The following RFC1 variants were observed in gnomAD, a reference collection of about 807,000 sequenced individuals.
RFC1 encodes A1 140 kDa subunit.
RFC1 carries 37 observed loss-of-function variants against 137.4 expected under a neutral mutation model. The ratio of observed to expected loss-of-function variants is 0.27; its 90% CI spans 0.21 to 0.35. The LOEUF is 0.35. RFC1 is among the 10% of genes least tolerant of loss of function. The probability of loss-of-function intolerance (pLI) is 1.00; values close to 1 mark genes in which losing one functional copy is unlikely to be tolerated. For missense variants in RFC1, 1,205 were observed against 1,358.5 expected (o/e 0.89, Z 1.78); for synonymous variants, 429 against 455.7 (o/e 0.94, Z 0.75).
At chr4:39,304,597 T>A (rs933126538) in intron 15 of RFC1, among the ~76,000 whole-genome samples, 4 of 152,164 alleles carry the variant, frequency 2.6e-5, no homozygotes, top group Non-Finnish European at 1.5e-5. Context: ...TATGTGCATG[T>A]ACACATTTTT....
At chr4:39,362,201 CG>C (rs1741795695) in intron 1 of RFC1, among the ~76,000 whole-genome samples, 2 of 152,308 alleles carry the variant, frequency 1.3e-5, no homozygotes, top group Middle Eastern at 3.4e-3. Flanking sequence ...ATTCATGGAT[CG>C]GAAGATGTAA....
chr4:39,336,517 G>A (rs1740360908), intron 4 of RFC1, among the ~76,000 whole-genome samples: 2 of 152,234 alleles, frequency 1.3e-5, no homozygotes, highest in Non-Finnish European at 2.9e-5. Context: ...AATGATATCT[G>A]GACTTAAAGT....
At chr4:39,345,300 C>A in intron 3 of RFC1, 101 bp downstream of exon 3, 1 of 946,674 alleles carries the variant, frequency 1.1e-6, no homozygotes, top group Non-Finnish European at 1.6e-6. Context: ...CGATTACAGG[C>A]ATGAGCCACC....
Position 39,308,722 on chromosome 4 carries a change from C to T in RFC1, c.1799G>A (p.Gly600Glu). 1 of 1,614,166 alleles carries T rather than the reference C, an allele frequency of 6.2e-7. No homozygotes were observed. The highest frequency in any genetic ancestry group is 8.5e-7 in the Non-Finnish European group (1 of 1,180,020). The change falls in exon 13 of 25, where the codon GGA (glycine) becomes GAA (glutamate). Residue 600 changes from glycine (G) to glutamate (E), a missense_variant. By Grantham distance (98) the Gly-to-Glu change is moderately conservative. Around this residue, in one of 3 missense-constraint regions of RFC1, gnomAD observed 962 missense variants for 1,035.3 expected, o/e 0.93. Coordinates refer to ENST00000349703, the MANE Select transcript of RFC1 (RefSeq NM_002913.5). Reference sequence around the variant, plus strand: ...GGCACAGCTCTGGTCACCTTGCTGTCCAATTATGGTCTTGAGCGAGGTTGG... The same window carrying T: ...GGCACAGCTCTGGTCACCTTGCTGTTCAATTATGGTCTTGAGCGAGGTTGG... ...YKPTSLKTII[G>E]QQGDQSCANK...
At chr4:39,365,038 A>G (rs1051525829) in intron 1 of RFC1, among the ~76,000 whole-genome samples, 3 of 152,036 alleles carry the variant, frequency 2.0e-5, no homozygotes, top group African/African-American at 7.2e-5. Flanking sequence ...CATGGTGGTC[A>G]GAAACACCAA....
chr4:39,300,734 CTG>C (rs1245002365), intron 19 of RFC1, among the ~76,000 whole-genome samples: 1 of 152,092 alleles, frequency 6.6e-6, no homozygotes, highest in Non-Finnish European at 1.5e-5. Context: ...AACAATTTAA[CTG>C]TGGTACATTC....
At chr4:39,305,794 GATA>G (rs1738612336) in intron 14 of RFC1, among the ~76,000 whole-genome samples, 2 of 151,942 alleles carry the variant, frequency 1.3e-5, no homozygotes, top group Non-Finnish European at 2.9e-5. Flanking sequence ...AAAATATAAT[GATA>G]ATAATAAAGA....
intron 1 of RFC1, among the ~76,000 whole-genome samples, chr4:39,354,419 C>T (rs1235482220): frequency 6.6e-6 from 1 of 152,160 alleles, no homozygotes; most frequent in Admixed American, 6.5e-5. Context: ...ACAAGTCTAA[C>T]TCCCAAATAA....
Position 39,320,413 on chromosome 4 carries a change from C to T in RFC1, c.1065G>A (p.Lys355=). The T allele has an allele frequency of 8.0e-6, 12 of 1,496,940 alleles. No individual in the cohort carries two copies. Among genetic ancestry groups the T allele is most frequent in the Non-Finnish European group, 9.8e-6 (11 of 1,124,910 alleles). The allele number at this position is 1,496,940 out of a possible 1,614,324, so 92.7% of individuals were successfully genotyped here. The change falls in exon 9 of 25, where the codon AAG becomes AAA. Residue 355 remains lysine, a synonymous_variant. Coordinates refer to ENST00000349703, the MANE Select transcript of RFC1 (RefSeq NM_002913.5). ...IKLKGETKTP[K]KTKSSPAKKE... ...TTTTAGCTGGAGAACTTTTGGTTTT[C>T]TTAGGAGTTTTTGTCTCTCCTTTCA...
rs770083988 is a variant in RFC1 at position 39,308,656 on chromosome 4, G to A, written c.1865C>T (p.Ser622Phe). ...LRWLRNWQKS[S>F]SEDKKHAKFG... ...ATCACCGTGTTTTTTATCTTCGGAA[G>A]AACTCTTTTGCCAGTTTCGGAGCCA... Residue 622 changes from serine (S) to phenylalanine (F), a missense_variant, in exon 13 of 25, where the codon TCT becomes TTT. Coordinates refer to ENST00000349703, the MANE Select transcript of RFC1 (RefSeq NM_002913.5). 1 of 1,610,980 alleles carries A rather than the reference G, an allele frequency of 6.2e-7. No homozygotes were observed. Among genetic ancestry groups the A allele is most frequent in the South Asian group, 1.1e-5 (1 of 90,846 alleles).
chr4:39,335,982 G>C (rs2109713203), intron 4 of RFC1, among the ~76,000 whole-genome samples: 1 of 152,234 alleles, frequency 6.6e-6, no homozygotes, highest in Admixed American at 6.5e-5. Flanking sequence ...ACAAGTGCCT[G>C]ACAGTAAAGT....
rs28461680 is a variant in RFC1, at chr4:39,299,067, C to T, written c.2808+954G>A. 6.4e-3 allele frequency among the ~76,000 whole-genome samples: 973 copies of T among 152,274 alleles called. 17 individuals are homozygous for T. The highest frequency in any genetic ancestry group is 0.022 in the African/African-American group (917 of 41,550). On this transcript the variant is annotated intron_variant, in intron 21 of 24. Transcript: ENST00000349703. Reference sequence around the variant, plus strand: ...GAATGAGGGCAAGGAACACCTGGCCCGCCCAGGGCAGAAAACCGCTTAAAG... The same window carrying T: ...GAATGAGGGCAAGGAACACCTGGCCTGCCCAGGGCAGAAAACCGCTTAAAG...
At chr4:39,297,705 C>T (rs190638206) in intron 21 of RFC1, 9 of 152,478 alleles carry the variant, frequency 5.9e-5, no homozygotes, top group African/African-American at 1.4e-4. Context: ...GCTGCCGAAG[C>T]GAGCACTTCA....
intron 19 of RFC1, among the ~76,000 whole-genome samples, chr4:39,301,636 C>T (rs1295341820): frequency 1.3e-5 from 2 of 152,122 alleles, no homozygotes; most frequent in Non-Finnish European, 2.9e-5. Context: ...ACTCCTGAGC[C>T]TCAACTGCTC....
At chr4:39,328,499 C>G (rs1488677264) in intron 4 of RFC1, among the ~76,000 whole-genome samples, 1 of 152,158 alleles carries the variant, frequency 6.6e-6, no homozygotes, top group Non-Finnish European at 1.5e-5. Context: ...GGGAATGCCT[C>G]TTTGATAAAC....
chr4:39,295,292 G>A (rs1208248974), intron 22 of RFC1, among the ~76,000 whole-genome samples: 3 of 152,100 alleles, frequency 2.0e-5, no homozygotes, highest in Non-Finnish European at 2.9e-5. Context: ...CTGAAGCTGC[G>A]AAGCTATTCC....
intron 6 of RFC1, among the ~76,000 whole-genome samples, chr4:39,325,499 C>G (rs1578139772): frequency 6.6e-6 from 1 of 152,234 alleles, no homozygotes; most frequent in African/African-American, 2.4e-5. Context: ...CCTCCCACCT[C>G]TGCCTCCCAA....
At chr4:39,291,925 G>A in intron 22 of RFC1, 73 bp from the exon 23 acceptor site, 3 of 1,054,548 alleles carry the variant, frequency 2.8e-6, no homozygotes, top group Middle Eastern at 2.0e-4. Flanking sequence ...TAACAGCACT[G>A]AGTTAATCAG....
At chr4:39,349,437 A>G (rs1263831727) in intron 2 of RFC1, among the ~76,000 whole-genome samples, 1 of 152,136 alleles carries the variant, frequency 6.6e-6, no homozygotes, top group East Asian at 1.9e-4. Context: ...TGCTCATTCA[A>G]TCTCTATCTC....
Sources: allele counts gnomAD v4.1 joint callset (sites outside exome capture counted in the v4.1 genomes callset), GRCh38; gene constraint gnomAD v4.1.1; regional missense constraint gnomAD v4.1.1; transcripts MANE v1.5; gene names NCBI Gene and HGNC (gene_info 2026-07-23, HGNC 2026-07-21).